Variants in METTL16 observed in about 807,000 individuals in gnomAD.
The protein encoded by METTL16 is RNA N(6)-adenosine-methyltransferase METTL16.
Under a neutral mutation model 57.9 loss-of-function variants are expected in METTL16, and 19 were observed. That is an observed-to-expected ratio of 0.33 (90% confidence interval 0.23 to 0.48). The LOEUF (loss-of-function observed/expected upper bound fraction) is 0.48, where lower values mean the gene tolerates loss of function less well. METTL16 is among the 20% of genes least tolerant of loss of function. METTL16 has a pLI of 0.99. For missense variants in METTL16, 434 were observed against 691.5 expected, an observed-to-expected ratio of 0.63 and a Z score of 4.18; for synonymous variants, 246 against 255.6, an observed-to-expected ratio of 0.96 and a Z score of 0.36.
At chr17:2,503,737 A>C (rs2067508253) in intron 1 of METTL16, among the ~76,000 whole-genome samples, 1 of 152,114 alleles carries the variant, frequency 6.6e-6, no homozygotes, top group South Asian at 2.1e-4. Flanking sequence ...AATATGGATA[A>C]ACAAAATACA....
intron 1 of METTL16, among the ~76,000 whole-genome samples, chr17:2,503,488 C>T (rs143663964): frequency 1.1e-4 from 17 of 151,668 alleles, no homozygotes; most frequent in South Asian, 8.3e-4. Context: ...CAACAAAATA[C>T]GGTATATCCA....
At chr17:2,506,274 C>G (rs975835853) in intron 1 of METTL16, among the ~76,000 whole-genome samples, 1 of 131,636 alleles carries the variant, frequency 7.6e-6, no homozygotes, top group Admixed American at 7.7e-5. Flanking sequence ...CTCTCCCTCT[C>G]CCCACGGTCT....
intron 4 of METTL16, among the ~76,000 whole-genome samples, chr17:2,470,184 G>T (rs565929419): frequency 3.3e-5 from 5 of 152,086 alleles, no homozygotes; most frequent in African/African-American, 4.8e-5. Context: ...TCTAACACAC[G>T]TGTTTTCTCT....
intron 2 of METTL16, among the ~76,000 whole-genome samples, chr17:2,491,378 G>A (rs1294213431): frequency 6.6e-6 from 1 of 152,124 alleles, no homozygotes; most frequent in Non-Finnish European, 1.5e-5. Context: ...ATTTTGAACA[G>A]ACACATTTCT....
chr17:2,447,760 A>G (rs1317910085), intron 6 of METTL16, among the ~76,000 whole-genome samples: 71 of 64,292 alleles, frequency 1.1e-3, no homozygotes, highest in South Asian at 1.6e-3. Flanking sequence ...AGGTGGGGGG[A>G]TCAGCCCCCC....
At chr17:2,448,885 G>A (rs1440995311) in intron 6 of METTL16, among the ~76,000 whole-genome samples, 1 of 148,690 alleles carries the variant, frequency 6.7e-6, no homozygotes, top group African/African-American at 2.5e-5. Context: ...AAATTAGCTG[G>A]GTGTGGTGGT....
In METTL16 at chr17:2,420,718, G is replaced by A. The variant is rs138224824; in HGVS notation, c.1062+13C>T. On this transcript the variant is annotated intron_variant, in intron 9 of 9. Transcript: ENST00000263092. This position sits in a 1 kb window ranked among gnomAD's most constrained non-coding sequence, Gnocchi z 5.4. ...TCATTATGAGTACTTCGTCAATATG[G>A]TTAAGCAGGTACCTTCAAATCAGTG... 1 of 1,607,632 alleles carries A rather than the reference G, an allele frequency of 6.2e-7. No homozygotes were observed. Among genetic ancestry groups the A allele is most frequent in the East Asian group, 2.2e-5 (1 of 44,824 alleles).
chr17:2,443,751 G>C (rs376334050), intron 6 of METTL16, among the ~76,000 whole-genome samples: 1 of 152,014 alleles, frequency 6.6e-6, no homozygotes, highest in Non-Finnish European at 1.5e-5. Flanking sequence ...CGTCCACCTC[G>C]GCCTCCCGAA....
At chr17:2,451,905 G>A (rs2067073407) in intron 6 of METTL16, among the ~76,000 whole-genome samples, 1 of 152,042 alleles carries the variant, frequency 6.6e-6, no homozygotes, top group Admixed American at 6.6e-5. Context: ...CAGCACTTTG[G>A]GAGGCCGAGG....
intron 8 of METTL16, among the ~76,000 whole-genome samples, chr17:2,428,545 A>T (rs2066837985): frequency 3.3e-5 from 2 of 60,378 alleles, no homozygotes; most frequent in East Asian, 1.0e-3. Context: ...AAAAAAAAAA[A>T]AAAAAAAAAA....
At chr17:2,433,719 A>T (rs2066890563) in intron 8 of METTL16, among the ~76,000 whole-genome samples, 1 of 152,238 alleles carries the variant, frequency 6.6e-6, no homozygotes, top group Non-Finnish European at 1.5e-5. Context: ...TATTATATCC[A>T]GTGCTTCAAA....
At chr17:2,506,452 G>C (rs1262598712) in intron 1 of METTL16, among the ~76,000 whole-genome samples, 3 of 151,820 alleles carry the variant, frequency 2.0e-5, no homozygotes, top group African/African-American at 7.3e-5. Flanking sequence ...CGCCTGACTG[G>C]TTTTCGTATT....
At chr17:2,475,474 A>G (rs2067263113) in intron 3 of METTL16, among the ~76,000 whole-genome samples, 1 of 152,218 alleles carries the variant, frequency 6.6e-6, no homozygotes, top group African/African-American at 2.4e-5. Context: ...TGACTTTTAT[A>G]CAACTGCCTC....
chr17:2,433,761 G>A (rs536888647), intron 8 of METTL16, among the ~76,000 whole-genome samples: 6 of 152,338 alleles, frequency 3.9e-5, no homozygotes, highest in South Asian at 4.1e-4. Flanking sequence ...TGCGCACGAT[G>A]TTGCTCTTTA....
intron 2 of METTL16, among the ~76,000 whole-genome samples, chr17:2,487,751 C>T (rs2067354106): frequency 6.6e-6 from 1 of 152,094 alleles, no homozygotes; most frequent in African/African-American, 2.4e-5. Flanking sequence ...CACCTGTAAT[C>T]CCAGCACTGT....
intron 8 of METTL16, among the ~76,000 whole-genome samples, chr17:2,426,030 CAAAAA>C (rs71375599): frequency 1.1e-5 from 1 of 93,150 alleles, no homozygotes; most frequent in Admixed American, 1.3e-4. Flanking sequence ...ATGGCTAAGG[CAAAAA>C]AAAAAAAAAA....
At chr17:2,450,214 G>T (rs531130076) in intron 6 of METTL16, among the ~76,000 whole-genome samples, 5 of 152,310 alleles carry the variant, frequency 3.3e-5, no homozygotes, top group South Asian at 2.1e-4. Flanking sequence ...ACCTGGAAAT[G>T]ACCCAAATGT....
Position 2,420,997 on chromosome 17 carries a change from C to T in METTL16, c.889-93G>A. 7 of 1,354,720 alleles carry T rather than the reference C, an allele frequency of 5.2e-6. No individual in the cohort carries two copies. Among genetic ancestry groups the T allele is most frequent in the South Asian group, 4.0e-5 (3 of 74,930 alleles). The allele number at this position is 1,354,720 out of a possible 1,614,324, so 83.9% of individuals were successfully genotyped here. On this transcript the variant is annotated intron_variant, in intron 8 of 9. Transcript: ENST00000263092. The surrounding 1 kb of genome is among the most constrained non-coding windows in gnomAD (Gnocchi z 5.4). ...ATGAACTCAGAGAAAATTTCCACAACTTCTGCTACCAATCATAGAGCACTG... is the reference window on the plus strand; with the variant it reads ...ATGAACTCAGAGAAAATTTCCACAATTTCTGCTACCAATCATAGAGCACTG...
At chr17:2,438,381 A>G (rs1322870119) in intron 7 of METTL16, among the ~76,000 whole-genome samples, 183 bp from the exon 8 acceptor site, 3 of 152,262 alleles carry the variant, frequency 2.0e-5, no homozygotes, top group African/African-American at 4.8e-5. Flanking sequence ...CAACAAAGTT[A>G]TATTTTTTCC....
Sources: allele counts gnomAD v4.1 joint callset (sites outside exome capture counted in the v4.1 genomes callset), GRCh38; gene constraint gnomAD v4.1.1; non-coding constraint Gnocchi (gnomAD v3.1); transcripts MANE v1.5; gene names NCBI Gene and HGNC (gene_info 2026-07-23, HGNC 2026-07-21).